The following KCNMB2 variants were observed in gnomAD, a reference collection of about 807,000 sequenced individuals.
KCNMB2 encodes the protein calcium-activated potassium channel subunit beta-2.
Under a neutral mutation model 24.5 loss-of-function variants are expected in KCNMB2, and 9 were observed. The observed-to-expected ratio is 0.37, with a 90% CI of 0.22 to 0.64. The LOEUF (loss-of-function observed/expected upper bound fraction) is 0.64, where lower values mean the gene tolerates loss of function less well. KCNMB2 is among the 30% of genes least tolerant of loss of function. The pLI is 0.63. For missense variants in KCNMB2, 226 were observed against 284.3 expected (o/e 0.79, Z 1.47); for synonymous variants, 109 against 104.4 (o/e 1.04, Z -0.27).
intron 2 of KCNMB2, among the ~76,000 whole-genome samples, chr3:178,811,204 T>C (rs1386136744): frequency 4.6e-5 from 7 of 152,188 alleles, no homozygotes; most frequent in African/African-American, 1.4e-4. Context: ...TGAATATTTA[T>C]TACATATGTT....
intron 1 of KCNMB2, among the ~76,000 whole-genome samples, chr3:178,651,070 AAGAG>A (rs1226571566): frequency 6.6e-6 from 1 of 152,186 alleles, no homozygotes; most frequent in Non-Finnish European, 1.5e-5. Context: ...GCAATCAGGC[AAGAG>A]AAAGAAACAA....
At chr3:178,710,412 G>T (rs1722414136) in intron 1 of KCNMB2, among the ~76,000 whole-genome samples, 1 of 152,146 alleles carries the variant, frequency 6.6e-6, no homozygotes. Flanking sequence ...CTAGGACTTT[G>T]GAGAGAACCT....
intron 1 of KCNMB2, among the ~76,000 whole-genome samples, chr3:178,557,778 G>T (rs919441435): frequency 6.6e-6 from 1 of 152,194 alleles, no homozygotes; most frequent in African/African-American, 2.4e-5. Context: ...AAATCAGTGA[G>T]AATTCATCCT....
chr3:178,823,724 A>C (rs1577215914), intron 2 of KCNMB2, among the ~76,000 whole-genome samples: 1 of 152,300 alleles, frequency 6.6e-6, no homozygotes, highest in East Asian at 1.9e-4. Context: ...ATCCTGGAGC[A>C]CAAAGCTAAA....
At chr3:178,654,113 A>C (rs1720234403) in intron 1 of KCNMB2, among the ~76,000 whole-genome samples, 1 of 152,142 alleles carries the variant, frequency 6.6e-6, no homozygotes, top group Non-Finnish European at 1.5e-5. Context: ...CATTTTATTC[A>C]AACTTATTGG....
At chr3:178,678,045 T>C (rs1471851015) in intron 1 of KCNMB2, among the ~76,000 whole-genome samples, 1 of 152,192 alleles carries the variant, frequency 6.6e-6, no homozygotes, top group Middle Eastern at 3.2e-3. Flanking sequence ...GGGCCAGAAC[T>C]AGTTCATCAC....
At position 178,684,834 on chromosome 3, in the gene KCNMB2, AAAAT is replaced by A. The variant is rs368073426; in HGVS notation, c.-67-122499_-67-122496del. Reference sequence around the variant, plus strand: ...CAACAAGAGCGAAACTCCGTCTCAAAAAATAAATAAATAGTGTGTTATTTTGCTT... The same window carrying A: ...CAACAAGAGCGAAACTCCGTCTCAAAAAATAAATAGTGTGTTATTTTGCTT... On this transcript the variant is annotated intron_variant, in intron 1 of 4. Transcript: ENST00000452583. Among the ~76,000 whole-genome samples the A allele has an allele frequency of 5.0e-4, 76 of 152,352 alleles. 1 individual carries two copies. In the South Asian group the frequency reaches 7.9e-3, roughly 16 times the overall value.
chr3:178,687,796 G>T (rs1157906871), intron 1 of KCNMB2, among the ~76,000 whole-genome samples: 2 of 151,482 alleles, frequency 1.3e-5, no homozygotes, highest in Non-Finnish European at 2.9e-5. Context: ...TTTGAGTAAA[G>T]GAAAAGAAAG....
At chr3:178,757,989 AT>A (rs1560006256) in intron 1 of KCNMB2, among the ~76,000 whole-genome samples, 1 of 3,182 alleles carries the variant, frequency 3.1e-4, no homozygotes, top group Non-Finnish European at 4.4e-4. Context: ...AAGAGGATAT[AT>A]ATATATATCT....
intron 1 of KCNMB2, among the ~76,000 whole-genome samples, chr3:178,769,408 G>T (rs1465672123): frequency 1.3e-5 from 2 of 152,156 alleles, no homozygotes; most frequent in Non-Finnish European, 2.9e-5. Context: ...GGGGTAAGAG[G>T]GGGGTGTGAT....
chr3:178,827,452 A>G (rs1483835777), intron 3 of KCNMB2, among the ~76,000 whole-genome samples: 1 of 152,190 alleles, frequency 6.6e-6, no homozygotes, highest in East Asian at 1.9e-4. Flanking sequence ...ATGTCCTTGC[A>G]TATGTCATGG....
intron 1 of KCNMB2, among the ~76,000 whole-genome samples, chr3:178,783,267 C>T (rs1375201066): frequency 3.3e-5 from 5 of 149,824 alleles, no homozygotes; most frequent in African/African-American, 1.2e-4. Flanking sequence ...ATTGACTTGG[C>T]AATGCGGGCT....
At chr3:178,762,799 A>C (rs1386988166) in intron 1 of KCNMB2, among the ~76,000 whole-genome samples, 1 of 152,076 alleles carries the variant, frequency 6.6e-6, no homozygotes, top group Non-Finnish European at 1.5e-5. Flanking sequence ...AGTTATTATA[A>C]AATTTTAGGC....
chr3:178,791,285 A>C (rs1181578862), intron 1 of KCNMB2, among the ~76,000 whole-genome samples: 2 of 152,256 alleles, frequency 1.3e-5, no homozygotes, highest in Admixed American at 6.5e-5. Flanking sequence ...AGATTGAAAT[A>C]GTTTTTAAAA....
intron 1 of KCNMB2, among the ~76,000 whole-genome samples, chr3:178,605,075 C>G (rs913407243): frequency 3.9e-5 from 6 of 152,088 alleles, no homozygotes; most frequent in Admixed American, 3.9e-4. Flanking sequence ...TTTTTTAGGA[C>G]CTGCTACAGA....
In KCNMB2 at chr3:178,784,874, TAAA is replaced by T. The variant is rs67483966; in HGVS notation, c.-67-22449_-67-22447del. Reference sequence around the variant, plus strand: ...CTAAGTGGCCTTTTACCTGAAGCCTTAAAAAAAAAAAAAAAAAAAAAACTATCC... The same window carrying T: ...CTAAGTGGCCTTTTACCTGAAGCCTTAAAAAAAAAAAAAAAAAAACTATCC... On this transcript the variant is annotated intron_variant, in intron 1 of 4. Coordinates refer to ENST00000452583, the MANE Select transcript of KCNMB2 (RefSeq NM_181361.3). Among the ~76,000 whole-genome samples, 145 of 121,382 alleles carry T rather than the reference TAAA, an allele frequency of 1.2e-3. 1 individual carries two copies. In the South Asian group the frequency reaches 0.014, roughly 12 times the overall value. 79.6% of individuals were successfully genotyped at this position (121,382 alleles called of 152,430 possible).
At chr3:178,668,050 T>G (rs1720779498) in intron 1 of KCNMB2, among the ~76,000 whole-genome samples, 1 of 152,158 alleles carries the variant, frequency 6.6e-6, no homozygotes, top group South Asian at 2.1e-4. Flanking sequence ...TAAACTTACT[T>G]ATAAACATCC....
chr3:178,805,326 A>G (rs1713923033), intron 1 of KCNMB2, among the ~76,000 whole-genome samples: 1 of 152,220 alleles, frequency 6.6e-6, no homozygotes, highest in South Asian at 2.1e-4. Context: ...TCCATTCTTC[A>G]GTTTATTGAA....
In KCNMB2 at chr3:178,814,410, T is replaced by C. The variant is rs531270235; in HGVS notation, c.56+6945T>C. Among the ~76,000 whole-genome samples the C allele has an allele frequency of 9.2e-5, 14 of 152,344 alleles. No homozygotes were observed. The South Asian group carries it at 2.9e-3, about 32-fold the overall frequency. On this transcript the variant is annotated intron_variant, in intron 2 of 4. Coordinates refer to ENST00000452583, the MANE Select transcript of KCNMB2 (RefSeq NM_181361.3). Reference sequence around the variant, plus strand: ...GATTCTATGACTTTACTATTATGAATAGTGCTTTGATAAACATATGAGTGC... The same window carrying C: ...GATTCTATGACTTTACTATTATGAACAGTGCTTTGATAAACATATGAGTGC...
Sources: gnomAD v4.1 joint callset for allele counts (sites outside exome capture counted in the v4.1 genomes callset) on GRCh38, gnomAD v4.1.1 for gene constraint, MANE v1.5 for transcripts, NCBI Gene and HGNC (gene_info 2026-07-23, HGNC 2026-07-21) for gene names.